Variants in MTBP observed in about 807,000 individuals in gnomAD.
MTBP encodes MDM2 binding protein, also known as mdm2-binding protein.
In MTBP, 101 loss-of-function variants were observed where a neutral mutation model predicts 117.0. The observed-to-expected ratio is 0.86, with a 90% confidence interval of 0.73 to 1.02. MTBP has a LOEUF of 1.02. MTBP is among the 50% of genes least tolerant of loss of function. The pLI, the probability that MTBP is intolerant of heterozygous loss-of-function variation, is 0.00. For missense variants in MTBP, 970 were observed against 1,030.9 expected (o/e 0.94, Z 0.81); for synonymous variants, 350 against 351.5 (o/e 1.00, Z 0.05).
In MTBP at chr8:120,446,505, C is replaced by CT. The variant is rs1325061932; in HGVS notation, c.194dup (p.Ala67CysfsTer28). On this transcript the variant is annotated frameshift_variant, in exon 2 of 22. Coordinates refer to ENST00000305949, the MANE Select transcript of MTBP (RefSeq NM_022045.5). LOFTEE classifies it high-confidence loss of function. Reference sequence around the variant, plus strand: ...GCTTCAATTAATCCAGAAGATAGTACTTTCCCTGGTAAGTATAATAAACTC... The same window carrying CT: ...GCTTCAATTAATCCAGAAGATAGTACTTTTCCCTGGTAAGTATAATAAACTC... 1 of 1,566,386 alleles carries CT rather than the reference C, an allele frequency of 6.4e-7. No individual in the cohort carries two copies. The highest frequency in any genetic ancestry group is 8.8e-7 in the Non-Finnish European group (1 of 1,137,074).
intron 16 of MTBP, 78 bp downstream of exon 16, chr8:120,506,939 A>G (rs1814698846): frequency 3.2e-6 from 4 of 1,265,182 alleles, no homozygotes; most frequent in Non-Finnish European, 4.3e-6. Context: ...TTTCCTTATT[A>G]ATTGATGTCC....
intron 18 of MTBP, among the ~76,000 whole-genome samples, 196 bp from the exon 19 acceptor site, chr8:120,517,655 T>A (rs532617954): frequency 6.6e-6 from 1 of 151,786 alleles, no homozygotes; most frequent in Admixed American, 6.6e-5. Context: ...TTATATATTA[T>A]GTAATATATT....
intron 10 of MTBP, among the ~76,000 whole-genome samples, chr8:120,466,055 T>G (rs1813682608): frequency 6.6e-6 from 1 of 152,116 alleles, no homozygotes; most frequent in African/African-American, 2.4e-5. Context: ...ACAACATACT[T>G]TATTAGTAAG....
chr8:120,453,764 C>G (rs1454457915), intron 4 of MTBP, 83 bp from the exon 5 acceptor site: 2 of 593,792 alleles, frequency 3.4e-6, no homozygotes, highest in Non-Finnish European at 5.7e-6. Flanking sequence ...GTACAACAAT[C>G]TTTTTAGTTA....
At chr8:120,520,751 A>G (rs567138198) in intron 20 of MTBP, among the ~76,000 whole-genome samples, 19 of 151,942 alleles carry the variant, frequency 1.3e-4, no homozygotes, top group Admixed American at 3.3e-4. Flanking sequence ...GTAGAAAAGT[A>G]TCTTCAAATT....
At chr8:120,480,324 C>T (rs1814050228) in intron 11 of MTBP, among the ~76,000 whole-genome samples, 2 of 151,740 alleles carry the variant, frequency 1.3e-5, no homozygotes, top group South Asian at 2.1e-4. Flanking sequence ...GCAGGAGAAT[C>T]GTTTGAACCT....
intron 14 of MTBP, among the ~76,000 whole-genome samples, chr8:120,501,357 C>G (rs1020222126): frequency 6.7e-6 from 1 of 149,462 alleles, no homozygotes. Flanking sequence ...GAGACTCCGT[C>G]TCAAAAACAT....
intron 17 of MTBP, among the ~76,000 whole-genome samples, chr8:120,513,938 G>T (rs1295362911): frequency 2.0e-5 from 3 of 151,774 alleles, no homozygotes; most frequent in Non-Finnish European, 4.4e-5. Context: ...CCAAGACCTA[G>T]GTTCTACTCC....
intron 7 of MTBP, among the ~76,000 whole-genome samples, chr8:120,458,978 C>T (rs1813527162): frequency 6.6e-6 from 1 of 151,808 alleles, no homozygotes; most frequent in African/African-American, 2.4e-5. Context: ...ATGAGCTTAA[C>T]ATACTCTTGC....
intron 11 of MTBP, among the ~76,000 whole-genome samples, chr8:120,482,217 G>T (rs184740575): frequency 6.6e-6 from 1 of 152,236 alleles, no homozygotes; most frequent in East Asian, 1.9e-4. Context: ...CCAACACGAG[G>T]TGAAATCACT....
intron 13 of MTBP, among the ~76,000 whole-genome samples, chr8:120,497,041 C>A (rs1438210243): frequency 6.6e-6 from 1 of 152,142 alleles, no homozygotes; most frequent in African/African-American, 2.4e-5. Flanking sequence ...CAGAAGTGGC[C>A]AAGCTACCAT....
At position 120,509,935 on chromosome 8, in the gene MTBP, G is replaced by A. The variant is rs1376232257; in HGVS notation, c.1885G>A (p.Glu629Lys). The A allele has an allele frequency of 6.2e-7, 1 of 1,604,802 alleles. No individual in the cohort carries two copies. The highest frequency in any genetic ancestry group is 8.5e-7 in the Non-Finnish European group (1 of 1,176,250). Residue 629 changes from glutamate to lysine, a missense_variant and splice_region_variant, in exon 17 of 22, where the codon GAA becomes AAA. By Grantham distance (56) the Glu-to-Lys change is moderately conservative (BLOSUM62 1). Transcript: ENST00000305949. ...DLQPLPIQKG[E>K]KTFVLTPELS... ...CAAATGAAAAATTTTTTGTTTCAGG[G>A]AAAAGACTTTTGTTTTGACACCAGA...
intron 11 of MTBP, among the ~76,000 whole-genome samples, chr8:120,487,098 T>C (rs1262713842): frequency 6.6e-6 from 1 of 152,192 alleles, no homozygotes; most frequent in African/African-American, 2.4e-5. Flanking sequence ...CTCTGCCTTA[T>C]ATATCTCAAG....
intron 15 of MTBP, among the ~76,000 whole-genome samples, chr8:120,503,829 G>T (rs761869551): frequency 4.6e-5 from 7 of 152,078 alleles, no homozygotes; most frequent in Non-Finnish European, 7.4e-5. Flanking sequence ...CTGGTGAAAA[G>T]CTTCCTATGA....
intron 2 of MTBP, 101 bp downstream of exon 2, chr8:120,446,614 T>G (rs888825088): frequency 4.1e-5 from 31 of 756,434 alleles, no homozygotes; most frequent in Non-Finnish European, 6.7e-5. Context: ...ACTTCTTGAC[T>G]GTGTACAAGG....
At chr8:120,471,167 T>G (rs917149490) in intron 11 of MTBP, 2 of 369,774 alleles carry the variant, frequency 5.4e-6, no homozygotes, top group Non-Finnish European at 4.8e-6. Flanking sequence ...GAACTCTTGG[T>G]TCATTAGATA....
At chr8:120,510,557 A>G (rs1814781305) in intron 17 of MTBP, among the ~76,000 whole-genome samples, 1 of 152,210 alleles carries the variant, frequency 6.6e-6, no homozygotes, top group African/African-American at 2.4e-5. Context: ...GGAATGAAAT[A>G]TCGATACATC....
intron 20 of MTBP, among the ~76,000 whole-genome samples, chr8:120,519,794 G>A (rs979882911): frequency 2.6e-5 from 4 of 152,104 alleles, no homozygotes; most frequent in Non-Finnish European, 4.4e-5. Context: ...AAGCAGGGGC[G>A]AGGGTCCATG....
At chr8:120,490,636 T>G (rs1814325327) in intron 13 of MTBP, 66 bp downstream of exon 13, 9 of 949,746 alleles carry the variant, frequency 9.5e-6, no homozygotes, top group Non-Finnish European at 1.3e-5. Flanking sequence ...ATAAGCTACC[T>G]TTATTTGCAC....
Sources: allele counts gnomAD v4.1 joint callset (sites outside exome capture counted in the v4.1 genomes callset), GRCh38; gene constraint gnomAD v4.1.1; transcripts MANE v1.5; gene names NCBI Gene and HGNC (gene_info 2026-07-23, HGNC 2026-07-21).